BAIAP2L2: variants seen among roughly 807,000 people sequenced by gnomAD.
BAIAP2L2 encodes BAR/IMD domain containing adaptor protein 2 like 2, also known as BAR/IMD domain-containing adapter protein 2-like 2.
BAIAP2L2 carries 65 observed loss-of-function variants against 60.4 expected under a neutral mutation model. The observed-to-expected ratio is 1.08, with a 90% CI of 0.88 to 1.32. BAIAP2L2 has a LOEUF of 1.32. Among genes scored for constraint, BAIAP2L2 ranks in the 40% most tolerant of loss-of-function variants. BAIAP2L2 has a pLI of 0.00. For missense variants in BAIAP2L2, 836 were observed against 741.2 expected, an observed-to-expected ratio of 1.13 and a Z score of -1.48; for synonymous variants, 344 against 301.7, an observed-to-expected ratio of 1.14 and a Z score of -1.45.
chr22:38,109,947 G>A (rs2086769715), intron 1 of BAIAP2L2, among the ~76,000 whole-genome samples: 1 of 150,220 alleles, frequency 6.7e-6, no homozygotes, highest in Admixed American at 6.7e-5. Context: ...CCTGCACACA[G>A]GAGGCGCTCA....
chr22:38,097,558 C>T (rs988612236), intron 6 of BAIAP2L2, among the ~76,000 whole-genome samples: 8 of 152,124 alleles, frequency 5.3e-5, no homozygotes, highest in Non-Finnish European at 1.2e-4. Context: ...GAGGCGTGAG[C>T]TCACTTAAAG....
At chr22:38,086,793 C>G (rs1326225042) in intron 11 of BAIAP2L2, among the ~76,000 whole-genome samples, 2 of 151,976 alleles carry the variant, frequency 1.3e-5, no homozygotes, top group Admixed American at 1.3e-4. Context: ...GTCAGGAGTT[C>G]AAGACCAGCC....
At chr22:38,108,527 G>T (rs2086716596) in intron 2 of BAIAP2L2, among the ~76,000 whole-genome samples, 186 bp from the exon 3 acceptor site, 1 of 152,186 alleles carries the variant, frequency 6.6e-6, no homozygotes, top group Admixed American at 6.5e-5. Flanking sequence ...GAGGGCTGGG[G>T]GCAGGGAGGT....
In BAIAP2L2 at chr22:38,090,099, A is replaced by ATTTTTTT. The variant is rs749685662; in HGVS notation, c.613-432_613-426dup. 290 of 75,858 alleles carry ATTTTTTT rather than the reference A, an allele frequency of 3.8e-3. 19 individuals carry two copies. The highest frequency in any genetic ancestry group is 0.014 in the African/African-American group (278 of 20,246). The allele number at this position is 75,858 out of a possible 1,614,324, so 4.7% of individuals were successfully genotyped here. ...TACCCAGTAACACTATGGAAAATGC[A>ATTTTTTT]TTTTTTTTTTTTTTTTTTTTTTTTT... is the stretch of plus-strand genomic sequence containing the variant. On this transcript the variant is annotated intron_variant, in intron 7 of 13. Coordinates refer to ENST00000381669, the MANE Select transcript of BAIAP2L2 (RefSeq NM_025045.6).
Position 38,089,129 on chromosome 22 carries a change from C to G in BAIAP2L2, c.868G>C (p.Asp290His), listed in dbSNP as rs778148253. 11 of 1,353,774 alleles carry G rather than the reference C, an allele frequency of 8.1e-6. No individual in the cohort carries two copies. In the East Asian group the frequency reaches 3.0e-4, roughly 37 times the overall value. The allele number at this position is 1,353,774 out of a possible 1,614,324, so 83.9% of individuals were successfully genotyped here. The change falls in exon 9 of 14, where the codon GAC becomes CAC. Residue 290 changes from aspartate (D) to histidine (H), a missense_variant. By Grantham distance (81) the Asp-to-His change is moderately conservative (BLOSUM62 -1). Coordinates refer to ENST00000381669, the MANE Select transcript of BAIAP2L2 (RefSeq NM_025045.6). The stretch of plus-strand genomic sequence containing the variant: ...GGCGTGCGGGGCAGGGAGCGACGGT[C>G]TGGCTCTAGCTGGGACGCGGGCCTC... The part of the protein sequence containing the change: ...DARPASQLEP[D>H]RRSLPRTPSA...
chr22:38,101,317 G>C (rs13055476), intron 4 of BAIAP2L2, among the ~76,000 whole-genome samples: 1 of 142,674 alleles, frequency 7.0e-6, no homozygotes, highest in African/African-American at 2.7e-5. Flanking sequence ...AGGATTGCTC[G>C]AGCCCAAGAG....
chr22:38,095,553 C>T (rs1432905440), intron 7 of BAIAP2L2, among the ~76,000 whole-genome samples: 1 of 152,034 alleles, frequency 6.6e-6, no homozygotes, highest in Non-Finnish European at 1.5e-5. Context: ...TTAGTAGAAA[C>T]GGGGTTTCGC....
chr22:38,094,111 A>G (rs976116079), intron 7 of BAIAP2L2: 8 of 421,600 alleles, frequency 1.9e-5, no homozygotes, highest in Non-Finnish European at 3.9e-5. Flanking sequence ...GGGCAAATGT[A>G]TTGAGACAGA....
At chr22:38,101,980 C>T (rs889690717) in intron 4 of BAIAP2L2, among the ~76,000 whole-genome samples, 7 of 152,224 alleles carry the variant, frequency 4.6e-5, no homozygotes, top group South Asian at 2.1e-4. Flanking sequence ...AAATCAGCAC[C>T]GGCTGTGAGG....
At chr22:38,092,256 T>C (rs975119777) in intron 7 of BAIAP2L2, among the ~76,000 whole-genome samples, 1 of 152,180 alleles carries the variant, frequency 6.6e-6, no homozygotes, top group African/African-American at 2.4e-5. Flanking sequence ...CTAGAGTTCT[T>C]TAAATCTTAT....
At chr22:38,096,993 C>T (rs1461036794) in intron 7 of BAIAP2L2, 39 bp downstream of exon 7, 1 of 1,583,562 alleles carries the variant, frequency 6.3e-7, no homozygotes, top group Non-Finnish European at 8.6e-7. Context: ...GGGGCAGCTC[C>T]TAGAAGCGCC....
At chr22:38,093,278 G>T (rs1048334511) in intron 7 of BAIAP2L2, among the ~76,000 whole-genome samples, 5 of 152,192 alleles carry the variant, frequency 3.3e-5, no homozygotes, top group African/African-American at 7.2e-5. Context: ...TAGAGGCTTC[G>T]CCAGGAGCAG....
chr22:38,093,513 T>C (rs943875368), intron 7 of BAIAP2L2, among the ~76,000 whole-genome samples: 4 of 152,210 alleles, frequency 2.6e-5, no homozygotes, highest in Admixed American at 2.6e-4. Context: ...TTAATGTTGA[T>C]GGTTAACTAT....
At chr22:38,087,953 C>T (rs569617736) in intron 10 of BAIAP2L2, among the ~76,000 whole-genome samples, 2 of 151,490 alleles carry the variant, frequency 1.3e-5, no homozygotes, top group South Asian at 2.1e-4. Context: ...CCCAGACGCA[C>T]ATCCCCTGGT....
chr22:38,091,821 AATT>A (rs533969855), intron 7 of BAIAP2L2, among the ~76,000 whole-genome samples: 66 of 152,306 alleles, frequency 4.3e-4, no homozygotes, highest in African/African-American at 1.5e-3. Context: ...AGCTCCTACA[AATT>A]AATAAGTGGA....
chr22:38,097,397 T>C (rs574782711), intron 6 of BAIAP2L2, among the ~76,000 whole-genome samples: 47 of 152,306 alleles, frequency 3.1e-4, no homozygotes, highest in Non-Finnish European at 6.6e-4. Flanking sequence ...CAGGTGCTTC[T>C]CACAAGCAGG....
chr22:38,094,885 C>CT (rs758031228), intron 7 of BAIAP2L2, among the ~76,000 whole-genome samples: 1 of 152,054 alleles, frequency 6.6e-6, no homozygotes, highest in Non-Finnish European at 1.5e-5. Context: ...GGCGTGGTGG[C>CT]TCATGCCTGT....
At chr22:38,085,430 A>AT (rs1176245930) in intron 13 of BAIAP2L2, 55 bp from the exon 14 acceptor site, 21 of 1,568,332 alleles carry the variant, frequency 1.3e-5, no homozygotes, top group Non-Finnish European at 1.8e-5. Context: ...CCACCTGGCC[A>AT]TGGCTCAGGA....
chr22:38,089,763 C>T, intron 7 of BAIAP2L2, 89 bp from the exon 8 acceptor site: 1 of 1,156,974 alleles, frequency 8.6e-7, no homozygotes, highest in East Asian at 3.3e-5. Context: ...CCTGAGAGCT[C>T]AGGCCCTACC....
Sources: allele counts gnomAD v4.1 joint callset (sites outside exome capture counted in the v4.1 genomes callset), GRCh38; gene constraint gnomAD v4.1.1; transcripts MANE v1.5; gene names NCBI Gene and HGNC (gene_info 2026-07-23, HGNC 2026-07-21).